Variants in AK8 observed in about 807,000 individuals in gnomAD.
The protein encoded by AK8 is ATP-AMP transphosphorylase 8.
A neutral mutation model predicts 54.6 loss-of-function variants in AK8; 44 were observed. The ratio of observed to expected loss-of-function variants is 0.81; its 90% CI spans 0.63 to 1.04. AK8 has a LOEUF of 1.04. AK8 is among the 50% of genes least tolerant of loss of function. The probability of loss-of-function intolerance (pLI) is 0.00; values close to 1 mark genes in which losing one functional copy is unlikely to be tolerated. For synonymous variants in AK8, 239 were observed against 245.6 expected, an observed-to-expected ratio of 0.97 and a Z score of 0.25; for missense variants, 555 against 613.6, an observed-to-expected ratio of 0.90 and a Z score of 1.01.
chr9:132,792,354 C>A (rs1839978629), intron 11 of AK8, among the ~76,000 whole-genome samples: 1 of 152,144 alleles, frequency 6.6e-6, no homozygotes, highest in South Asian at 2.1e-4. Context: ...AAGAAAACAT[C>A]CATTGATTTG....
intron 10 of AK8, among the ~76,000 whole-genome samples, chr9:132,802,847 C>T (rs1443533702): frequency 6.6e-6 from 1 of 152,172 alleles, no homozygotes; most frequent in African/African-American, 2.4e-5. Context: ...CCCTGACCCA[C>T]TAAATCAGGA....
chr9:132,870,593 T>C (rs1238384481), intron 2 of AK8, among the ~76,000 whole-genome samples: 2 of 152,248 alleles, frequency 1.3e-5, no homozygotes, highest in African/African-American at 4.8e-5. Flanking sequence ...CACTTTGTAC[T>C]AAATCTGCCT....
chr9:132,766,867 A>G (rs985055232), intron 11 of AK8, among the ~76,000 whole-genome samples: 2 of 152,262 alleles, frequency 1.3e-5, no homozygotes, highest in Non-Finnish European at 2.9e-5. Context: ...TGCTAAGAAC[A>G]TTCAGTGGAG....
chr9:132,837,138 G>T lies in AK8; in HGVS notation c.403-8412C>A, dbSNP rs1206892367. ...GATCGAGACCATCCTGGCCAACGTG[G>T]TGAAACCCCATCTCTACTAAATATA... On this transcript the variant is annotated intron_variant, in intron 5 of 12. Transcript: ENST00000298545. This position sits in a 1 kb window ranked among gnomAD's most constrained non-coding sequence, Gnocchi z 4.3. 6.6e-6 allele frequency among the ~76,000 whole-genome samples: 1 copy of T among 152,060 alleles called. No homozygotes were observed. The highest frequency in any genetic ancestry group is 6.5e-5 in the Admixed American group (1 of 15,276).
intron 5 of AK8, among the ~76,000 whole-genome samples, chr9:132,853,723 T>C (rs1394441323): frequency 7.2e-5 from 10 of 139,526 alleles, no homozygotes; most frequent in Admixed American, 1.7e-4. Flanking sequence ...AAGGTCAAGG[T>C]TGCAGTGAGC....
intron 5 of AK8, among the ~76,000 whole-genome samples, chr9:132,842,169 A>G (rs1842570808): frequency 6.6e-6 from 1 of 152,218 alleles, no homozygotes; most frequent in South Asian, 2.1e-4. Context: ...TGTTGAAACC[A>G]TTATTAGGGC....
chr9:132,744,122 G>C (rs1386797105), intron 11 of AK8, among the ~76,000 whole-genome samples: 1 of 152,080 alleles, frequency 6.6e-6, no homozygotes, highest in Non-Finnish European at 1.5e-5. Flanking sequence ...CCGTTACGTA[G>C]GGGGTGTGCC....
In AK8 at chr9:132,751,309, G is replaced by A. The variant is rs1228445184; in HGVS notation, c.1122-23775C>T. Among the ~76,000 whole-genome samples the A allele has an allele frequency of 1.4e-4, 21 of 150,442 alleles. 1 individual carries two copies. The highest frequency in any genetic ancestry group is 1.3e-3 in the Admixed American group (20 of 15,058). On this transcript the variant is annotated intron_variant, in intron 11 of 12. Transcript: ENST00000298545. Reference sequence around the variant, plus strand: ...TGAGGCAGGAGAATCGCTTGAACCCGGGAGGCAGAGGTTGCAGTGAGCCGA... The same window carrying A: ...TGAGGCAGGAGAATCGCTTGAACCCAGGAGGCAGAGGTTGCAGTGAGCCGA...
intron 10 of AK8, among the ~76,000 whole-genome samples, chr9:132,808,395 A>T (rs1439532990): frequency 6.6e-6 from 1 of 152,196 alleles, no homozygotes; most frequent in Non-Finnish European, 1.5e-5. Context: ...TCCTCTGTCC[A>T]CAGTGCCATC....
chr9:132,738,984 G>A (rs775183486), intron 11 of AK8, among the ~76,000 whole-genome samples: 13 of 151,172 alleles, frequency 8.6e-5, no homozygotes, highest in Non-Finnish European at 1.8e-4. Context: ...TGAATTCCTG[G>A]GCTGAAGTGA....
intron 10 of AK8, among the ~76,000 whole-genome samples, chr9:132,813,070 G>A (rs625141): frequency 5.3e-5 from 4 of 76,180 alleles, no homozygotes; most frequent in Non-Finnish European, 1.1e-4. Flanking sequence ...GACCAGACCC[G>A]CTCACTGCCC....
intron 11 of AK8, among the ~76,000 whole-genome samples, chr9:132,779,542 T>C (rs1839372915): frequency 6.6e-6 from 1 of 152,200 alleles, no homozygotes; most frequent in Non-Finnish European, 1.5e-5. Context: ...CCCCTACACA[T>C]TTGAATAAGA....
At chr9:132,786,129 T>C (rs1839699993) in intron 11 of AK8, among the ~76,000 whole-genome samples, 1 of 152,140 alleles carries the variant, frequency 6.6e-6, no homozygotes, top group Non-Finnish European at 1.5e-5. Context: ...AGAATCAACC[T>C]CATCTTCCCC....
intron 10 of AK8, among the ~76,000 whole-genome samples, chr9:132,808,212 G>T (rs1015000111): frequency 2.6e-5 from 4 of 152,178 alleles, no homozygotes; most frequent in Non-Finnish European, 5.9e-5. Flanking sequence ...CCTGTTTATC[G>T]TATGCAGAGC....
At chr9:132,782,829 C>G (rs748347936) in intron 11 of AK8, among the ~76,000 whole-genome samples, 1 of 152,158 alleles carries the variant, frequency 6.6e-6, no homozygotes, top group African/African-American at 2.4e-5. Context: ...ACAGGAATAA[C>G]GGCAGTAAAA....
At chr9:132,823,475 T>C in intron 8 of AK8, 139 bp from the exon 9 acceptor site, 2 of 1,234,704 alleles carry the variant, frequency 1.6e-6, no homozygotes, top group Non-Finnish European at 2.3e-6. Flanking sequence ...TCTGTGCATC[T>C]GGCGAAGAGG....
At position 132,828,686 on chromosome 9, in the gene AK8, G is replaced by T. The variant is rs764992478; in HGVS notation, c.443C>A (p.Ala148Asp). The T allele has an allele frequency of 3.7e-6, 6 of 1,612,522 alleles. No individual in the cohort carries two copies. Among genetic ancestry groups the T allele is most frequent in the Non-Finnish European group, 4.2e-6 (5 of 1,179,102 alleles). The change falls in exon 6 of 13, where the codon GCT becomes GAT. Residue 148 changes from alanine (A) to aspartate (D), a missense_variant. Ala to Asp is a moderately radical substitution (Grantham distance 126). Coordinates refer to ENST00000298545, the MANE Select transcript of AK8 (RefSeq NM_152572.3). ...LDGIPETREQ[A>D]LRIQTLGITP... ...GATCCCCAGGGTCTGGATCCTCAGA[G>T]CCTGCTCACGCGTCTCAGGGATGCC...
intron 5 of AK8, among the ~76,000 whole-genome samples, chr9:132,848,062 G>GC (rs1842819039): frequency 7.1e-6 from 1 of 141,532 alleles, no homozygotes; most frequent in Non-Finnish European, 1.5e-5. Context: ...GCTGCAGCGA[G>GC]CCATGACCGT....
intron 9 of AK8, among the ~76,000 whole-genome samples, chr9:132,821,727 AT>A (rs1841626112): frequency 8.5e-6 from 1 of 117,068 alleles, no homozygotes; most frequent in Non-Finnish European, 1.8e-5. Context: ...ATGTATATAC[AT>A]ATATGTATAT....
Sources: gnomAD v4.1 joint callset for allele counts (sites outside exome capture counted in the v4.1 genomes callset) on GRCh38, gnomAD v4.1.1 for gene constraint, Gnocchi (gnomAD v3.1) non-coding constraint, MANE v1.5 for transcripts, NCBI Gene and HGNC (gene_info 2026-07-23, HGNC 2026-07-21) for gene names.